Variants in ATP7B observed in about 807,000 individuals in gnomAD.
ATP7B encodes the protein ATPase copper transporting beta.
A neutral mutation model predicts 118.9 loss-of-function variants in ATP7B; 113 were observed. The ratio of observed to expected loss-of-function variants is 0.95; its 90% CI spans 0.82 to 1.11. ATP7B has a LOEUF of 1.11. Among genes scored for constraint, ATP7B ranks in the 50% most tolerant of loss-of-function variants. The pLI is 0.00. For missense variants in ATP7B, 1,867 were observed against 1,871.4 expected (o/e 1.00, Z 0.04); for synonymous variants, 777 against 727.4 (o/e 1.07, Z -1.10).
At chr13:52,001,214 C>T (rs902001064) in intron 1 of ATP7B, among the ~76,000 whole-genome samples, 1 of 152,178 alleles carries the variant, frequency 6.6e-6, no homozygotes, top group African/African-American at 2.4e-5. Context: ...TGCTTAGAAT[C>T]TCCTAAGCGA....
chr13:51,973,808 C>T, intron 2 of ATP7B, 127 bp downstream of exon 2: 1 of 1,373,176 alleles, frequency 7.3e-7, no homozygotes, highest in Non-Finnish European at 1.0e-6. Flanking sequence ...GGAAAGTTTG[C>T]AGGATTTTGT....
intron 4 of ATP7B, among the ~76,000 whole-genome samples, chr13:51,968,199 C>G (rs141410932): frequency 6.6e-6 from 1 of 152,328 alleles, no homozygotes; most frequent in Non-Finnish European, 1.5e-5. Context: ...CTCACCATCT[C>G]TTCCTCCTAA....
chr13:51,984,800 C>A (rs1271767358), intron 1 of ATP7B, among the ~76,000 whole-genome samples: 1 of 152,190 alleles, frequency 6.6e-6, no homozygotes, highest in Non-Finnish European at 1.5e-5. Flanking sequence ...CCCAGAATTT[C>A]ATATCCAGCC....
Position 51,950,067 on chromosome 13 carries a change from C to T in ATP7B, c.2670G>A (p.Val890=), listed in dbSNP as rs1241575260. 1.9e-6 allele frequency: 3 copies of T among 1,614,140 alleles called. No individual in the cohort carries two copies. Among genetic ancestry groups the T allele is most frequent in the African/African-American group, 1.3e-5 (1 of 75,004 alleles). The change falls in exon 11 of 21, where the codon GTG becomes GTA. Residue 890 remains valine (V), a synonymous_variant. Coordinates refer to ENST00000242839, the MANE Select transcript of ATP7B (RefSeq NM_000053.4). ...TCTGAGCCAAAGTGGTGTCATTGCC[C>T]ACGTGGGTAGCTTTAATGAGCACAG... ...HGSVLIKATH[V]GNDTTLAQIV...
At chr13:51,994,813 A>C (rs1953117731) in intron 1 of ATP7B, among the ~76,000 whole-genome samples, 1 of 152,218 alleles carries the variant, frequency 6.6e-6, no homozygotes, top group African/African-American at 2.4e-5. Flanking sequence ...TCAATGAAGA[A>C]GACCCTGTAC....
At chr13:51,961,030 C>T (rs991596135) in intron 6 of ATP7B, among the ~76,000 whole-genome samples, 2 of 152,032 alleles carry the variant, frequency 1.3e-5, no homozygotes, top group Admixed American at 6.5e-5. Flanking sequence ...ATGCCTCTCC[C>T]GTAAGCTCCT....
intron 14 of ATP7B, among the ~76,000 whole-genome samples, chr13:51,943,512 T>C (rs545778393): frequency 6.6e-6 from 1 of 152,338 alleles, no homozygotes; most frequent in South Asian, 2.1e-4. Context: ...GCTCAGGCTG[T>C]TTAAAAGTTG....
intron 1 of ATP7B, among the ~76,000 whole-genome samples, chr13:52,009,384 C>G (rs1296412203): frequency 6.6e-6 from 1 of 152,132 alleles, no homozygotes; most frequent in Non-Finnish European, 1.5e-5. Context: ...CATTTCTTCT[C>G]CCTGAGGGCT....
chr13:51,966,719 A>C, intron 4 of ATP7B: 1 of 1,564,506 alleles, frequency 6.4e-7, no homozygotes, highest in Non-Finnish European at 8.7e-7. Context: ...CCTGCTCTGC[A>C]CGCCAGCCCG....
chr13:51,956,756 A>C (rs981108764), intron 9 of ATP7B, among the ~76,000 whole-genome samples: 1 of 152,258 alleles, frequency 6.6e-6, no homozygotes. Context: ...AATATAAAAA[A>C]GAAGCTAACC....
At chr13:51,957,021 CA>C (rs1958391175) in intron 9 of ATP7B, among the ~76,000 whole-genome samples, 2 of 152,024 alleles carry the variant, frequency 1.3e-5, no homozygotes, top group Admixed American at 1.3e-4. Flanking sequence ...AGATTAAATA[CA>C]AAGAGATTAG....
At chr13:51,941,997 C>T (rs1671792318) in intron 15 of ATP7B, among the ~76,000 whole-genome samples, 1 of 152,192 alleles carries the variant, frequency 6.6e-6, no homozygotes, top group Admixed American at 6.5e-5. Context: ...CAGACATTTC[C>T]CTCTGCTTTC....
intron 12 of ATP7B, among the ~76,000 whole-genome samples, chr13:51,947,068 C>T (rs946085272): frequency 3.3e-5 from 5 of 151,974 alleles, no homozygotes; most frequent in East Asian, 1.9e-4. Flanking sequence ...ACAACCAATA[C>T]GGAATTGGTT....
At position 51,933,407 on chromosome 13, in the gene ATP7B, G is replaced by C. The variant is rs949535301; in HGVS notation, c.*1349C>G. On this transcript the variant is annotated 3_prime_UTR_variant, in exon 21 of 21. Transcript: ENST00000242839. ...AAAAGTGCTGCTAAAACTGCCCCTG[G>C]CAAGTAATGGACAATGAAAAAAATC... is the stretch of plus-strand genomic sequence containing the variant. 6.6e-6 allele frequency: 1 copy of C among 152,202 alleles called. No homozygotes were observed. The highest frequency in any genetic ancestry group is 2.4e-5 in the African/African-American group (1 of 41,442). The allele number at this position is 152,202 out of a possible 1,614,324, so 9.4% of individuals were successfully genotyped here. A position where few individuals can be genotyped will look rare whatever the true frequency, so the allele number is the denominator to read the frequency against.
At chr13:52,003,187 A>G (rs1953598732) in intron 1 of ATP7B, among the ~76,000 whole-genome samples, 1 of 152,256 alleles carries the variant, frequency 6.6e-6, no homozygotes, top group African/African-American at 2.4e-5. Context: ...GTTTCAGCCT[A>G]TCTCAGCTTT....
At chr13:51,943,450 T>C (rs1018927168) in intron 14 of ATP7B, among the ~76,000 whole-genome samples, 1 of 152,200 alleles carries the variant, frequency 6.6e-6, no homozygotes, top group African/African-American at 2.4e-5. Context: ...GAGTTGTCAA[T>C]TGTTTTTCAA....
intron 1 of ATP7B, among the ~76,000 whole-genome samples, chr13:51,998,958 C>CG (rs1209083725): frequency 6.6e-6 from 1 of 152,180 alleles, no homozygotes; most frequent in Non-Finnish European, 1.5e-5. Flanking sequence ...AGAGGAGTCC[C>CG]GGATCCTGTG....
In ATP7B at chr13:51,991,518, C is replaced by A. The variant is rs910830570; in HGVS notation, c.52-16350G>T. On this transcript the variant is annotated intron_variant, in intron 1 of 20. Coordinates refer to ENST00000242839, the MANE Select transcript of ATP7B (RefSeq NM_000053.4). ...CGGGAAAAAAACAAACAAAAAAAAA[C>A]AGCAGCCAAGCTTGGCCAAAGAAGT... Among the ~76,000 whole-genome samples the A allele has an allele frequency of 2.6e-5, 4 of 151,976 alleles. 1 individual carries two copies. The highest frequency in any genetic ancestry group is 2.0e-4 in the Admixed American group (3 of 15,246).
At chr13:51,997,862 A>C (rs1953288750) in intron 1 of ATP7B, among the ~76,000 whole-genome samples, 1 of 152,200 alleles carries the variant, frequency 6.6e-6, no homozygotes, top group Non-Finnish European at 1.5e-5. Flanking sequence ...CATGGTGATG[A>C]GTACACCAAG....
Sources: allele counts gnomAD v4.1 joint callset (sites outside exome capture counted in the v4.1 genomes callset), GRCh38; gene constraint gnomAD v4.1.1; transcripts MANE v1.5; gene names NCBI Gene and HGNC (gene_info 2026-07-23, HGNC 2026-07-21).